Variants in TOMM70 observed in about 807,000 individuals in gnomAD.
The protein encoded by TOMM70 is translocase of outer mitochondrial membrane 70.
Under a neutral mutation model 73.6 loss-of-function variants are expected in TOMM70, and 13 were observed. The ratio of observed to expected loss-of-function variants is 0.18; its 90% confidence interval spans 0.11 to 0.28. The LOEUF is 0.28. Ranked by LOEUF, TOMM70 falls within the 10% of genes least tolerant of loss-of-function variation. The pLI is 1.00. For missense variants in TOMM70, 609 were observed against 747.5 expected (o/e 0.81, Z 2.16); for synonymous variants, 257 against 271.2 (o/e 0.95, Z 0.51).
intron 1 of TOMM70, among the ~76,000 whole-genome samples, chr3:100,387,634 ACG>A (rs1559834105): frequency 8.8e-6 from 1 of 113,462 alleles, no homozygotes; most frequent in Non-Finnish European, 1.7e-5. Flanking sequence ...ACACACACAC[ACG>A]TATATACTTT....
chr3:100,381,259 G>A (rs1706630804), intron 5 of TOMM70, among the ~76,000 whole-genome samples: 1 of 152,040 alleles, frequency 6.6e-6, no homozygotes, highest in Non-Finnish European at 1.5e-5. Context: ...CCCTGCACTA[G>A]AACATCTGCA....
chr3:100,382,953 A>C (rs1031766247), intron 4 of TOMM70, among the ~76,000 whole-genome samples: 5 of 152,212 alleles, frequency 3.3e-5, no homozygotes, highest in Non-Finnish European at 5.9e-5. Flanking sequence ...TTGTTATAAA[A>C]AAATCAAAAT....
intron 1 of TOMM70, among the ~76,000 whole-genome samples, chr3:100,398,961 C>T (rs1043869465): frequency 6.6e-6 from 1 of 152,184 alleles, no homozygotes; most frequent in Non-Finnish European, 1.5e-5. Context: ...ACCAAAACTT[C>T]CTTTAAAGCT....
intron 5 of TOMM70, among the ~76,000 whole-genome samples, chr3:100,379,844 C>G (rs1706610157): frequency 6.6e-6 from 1 of 152,146 alleles, no homozygotes; most frequent in Non-Finnish European, 1.5e-5. Flanking sequence ...GTCTCAAACT[C>G]CTGGGCTCAA....
intron 7 of TOMM70, among the ~76,000 whole-genome samples, chr3:100,373,910 CCTT>C (rs964894086): frequency 2.0e-5 from 3 of 152,174 alleles, no homozygotes; most frequent in African/African-American, 4.8e-5. Flanking sequence ...GCAAGAAACC[CCTT>C]CTTCTAGAAA....
intron 11 of TOMM70, 62 bp downstream of exon 11, chr3:100,367,982 A>C: frequency 1.3e-6 from 2 of 1,532,420 alleles, no homozygotes; most frequent in Non-Finnish European, 8.8e-7. Flanking sequence ...GTACGTAATA[A>C]GAACAAAAAG....
chr3:100,393,940 T>C (rs1706791969), intron 1 of TOMM70, among the ~76,000 whole-genome samples: 1 of 152,168 alleles, frequency 6.6e-6, no homozygotes, highest in Admixed American at 6.5e-5. Context: ...AGATCAGAAA[T>C]GCACCAGCCT....
chr3:100,386,048 C>T (rs979627453), intron 3 of TOMM70, among the ~76,000 whole-genome samples, 170 bp downstream of exon 3: 2 of 152,158 alleles, frequency 1.3e-5, no homozygotes, highest in African/African-American at 4.8e-5. Flanking sequence ...AGAGACAATA[C>T]TTAAGTATCA....
Position 100,377,977 on chromosome 3 carries a change from T to C in TOMM70, c.885-65A>G, listed in dbSNP as rs1392012987. 31 of 1,438,196 alleles carry C rather than the reference T, an allele frequency of 2.2e-5. No homozygotes were observed. The South Asian group carries it at 2.9e-4, about 13-fold the overall frequency. 89.1% of individuals were successfully genotyped at this position (1,438,196 alleles called of 1,614,324 possible). A position where few individuals can be genotyped will look rare whatever the true frequency, so the allele number is the denominator to read the frequency against. On this transcript the variant is annotated intron_variant, in intron 5 of 11. Transcript: ENST00000284320. ...AAAAATTAAATGTGGCTGGGTGTGG[T>C]GGCTCACGCCTGTAATCCCAGCACT...
intron 9 of TOMM70, 59 bp from the exon 10 acceptor site, chr3:100,369,194 T>A: frequency 1.7e-6 from 2 of 1,159,812 alleles, no homozygotes; most frequent in Non-Finnish European, 2.5e-6. Context: ...CAGTTAAAAG[T>A]ATACTTATTA....
chr3:100,365,627 G>A lies in TOMM70; in HGVS notation c.1764C>T (p.Cys588=), dbSNP rs754784756. 17 of 1,614,084 alleles carry A rather than the reference G, an allele frequency of 1.1e-5. No homozygotes were observed. The Admixed American group carries it at 1.3e-4, about 13-fold the overall frequency. ...CTTCTGTCTGGGCATGGGCGGCATC[G>A]CAAAGTGAATACAGATGGGCCATCT... The part of the protein sequence containing the change: ...EMEMAHLYSL[C]DAAHAQTEVA... The change falls in exon 12 of 12, where the codon TGC becomes TGT. Residue 588 remains cysteine, a synonymous_variant. Transcript: ENST00000284320.
chr3:100,376,931 AAAT>A (rs1706572380), intron 6 of TOMM70, among the ~76,000 whole-genome samples: 1 of 152,232 alleles, frequency 6.6e-6, no homozygotes, highest in Non-Finnish European at 1.5e-5. Context: ...AATCAGCAGA[AAAT>A]AATATTAAAG....
chr3:100,400,955 G>A lies in TOMM70; in HGVS notation c.-6C>T, dbSNP rs1168698283. Reference sequence around the variant, plus strand: ...ACAGGTTTAGAGGCGGCCATGACAAGTGTCCTCTGCCACCGCCTCCCTGTC... The same window carrying A: ...ACAGGTTTAGAGGCGGCCATGACAAATGTCCTCTGCCACCGCCTCCCTGTC... On this transcript the variant is annotated 5_prime_UTR_variant, in exon 1 of 12. Coordinates refer to ENST00000284320, the MANE Select transcript of TOMM70 (RefSeq NM_014820.5). The A allele has an allele frequency of 2.6e-6, 4 of 1,528,710 alleles. No homozygotes were observed. Among genetic ancestry groups the A allele is most frequent in the Non-Finnish European group, 2.6e-6 (3 of 1,144,190 alleles). The allele number at this position is 1,528,710 out of a possible 1,614,324, so 94.7% of individuals were successfully genotyped here.
intron 6 of TOMM70, among the ~76,000 whole-genome samples, chr3:100,377,141 T>TA (rs1468444052): frequency 6.6e-6 from 1 of 152,190 alleles, no homozygotes; most frequent in Admixed American, 6.5e-5. Flanking sequence ...AATTGGTGGT[T>TA]AAATTGTTTT....
Position 100,381,718 on chromosome 3 carries a change from A to G in TOMM70, c.781T>C (p.Phe261Leu), listed in dbSNP as rs1455918737. 6 of 1,612,328 alleles carry G rather than the reference A, an allele frequency of 3.7e-6. No individual in the cohort carries two copies. Among genetic ancestry groups the G allele is most frequent in the Non-Finnish European group, 5.1e-6 (6 of 1,178,996 alleles). The change falls in exon 5 of 12, where the codon TTC (phenylalanine) becomes CTC (leucine). Residue 261 changes from phenylalanine (F) to leucine (L), a missense_variant. By Grantham distance (22) the Phe-to-Leu change is conservative. This residue lies in a region of TOMM70 where 432 missense variants were observed against 584.1 expected (regional missense o/e 0.74). Transcript: ENST00000284320. ...MPSPQFIKSYFSSFTDDIISQ... is the reference protein window; with the variant it reads ...MPSPQFIKSYLSSFTDDIISQ... ...ATGATATCATCCGTGAAAGAACTGAAGTAAGATTTGATAAACTGTGGAGAT... is the reference window on the plus strand; with the variant it reads ...ATGATATCATCCGTGAAAGAACTGAGGTAAGATTTGATAAACTGTGGAGAT...
intron 1 of TOMM70, among the ~76,000 whole-genome samples, chr3:100,393,382 G>C (rs1706785523): frequency 1.3e-5 from 2 of 152,026 alleles, no homozygotes; most frequent in Non-Finnish European, 2.9e-5. Flanking sequence ...ACTTATAAGT[G>C]GGAGCTAAAC....
At chr3:100,365,795 A>G (rs778752901) in intron 11 of TOMM70, 78 bp from the exon 12 acceptor site, 29 of 1,521,356 alleles carry the variant, frequency 1.9e-5, no homozygotes, top group Non-Finnish European at 2.5e-5. Flanking sequence ...GTGATGGTAC[A>G]TGAAGTCTGA....
intron 7 of TOMM70, 140 bp from the exon 8 acceptor site, chr3:100,373,785 GA>G: frequency 1.9e-6 from 1 of 515,076 alleles, no homozygotes; most frequent in Non-Finnish European, 3.3e-6. Context: ...TAGAAACAGT[GA>G]TTTAAAAATC....
chr3:100,384,381 G>A, intron 4 of TOMM70, 98 bp downstream of exon 4: 1 of 754,934 alleles, frequency 1.3e-6, no homozygotes, highest in Non-Finnish European at 2.1e-6. Context: ...TGCAGTTGTT[G>A]CCATTACCAC....
Sources: allele counts gnomAD v4.1 joint callset (sites outside exome capture counted in the v4.1 genomes callset), GRCh38; gene constraint gnomAD v4.1.1; regional missense constraint gnomAD v4.1.1; transcripts MANE v1.5; gene names NCBI Gene and HGNC (gene_info 2026-07-23, HGNC 2026-07-21).